The following GRAMD1B variants were observed in gnomAD, a reference collection of about 807,000 sequenced individuals.
The protein encoded by GRAMD1B is GRAM domain containing 1B, also known as protein Aster-B.
A neutral mutation model predicts 99.7 loss-of-function variants in GRAMD1B; 37 were observed. That is an observed-to-expected ratio of 0.37 (90% confidence interval 0.29 to 0.49). The LOEUF (loss-of-function observed/expected upper bound fraction) is 0.49. Among genes scored for constraint, GRAMD1B ranks in the 20% least tolerant of loss-of-function variants. The probability of loss-of-function intolerance (pLI) is 0.98; values close to 1 mark genes in which losing one functional copy is unlikely to be tolerated. For synonymous variants in GRAMD1B, 427 were observed against 387.6 expected (o/e 1.10, Z -1.19); for missense variants, 888 against 1,009.2 (o/e 0.88, Z 1.63).
intron 2 of GRAMD1B, among the ~76,000 whole-genome samples, chr11:123,530,916 T>A (rs1943299016): frequency 6.6e-6 from 1 of 152,142 alleles, no homozygotes. Flanking sequence ...TCTGTTTGCC[T>A]TGGGTGGTGG....
chr11:123,476,982 T>C (rs566815873), intron 1 of GRAMD1B, among the ~76,000 whole-genome samples: 13 of 152,194 alleles, frequency 8.5e-5, no homozygotes, highest in Non-Finnish European at 1.8e-4. Context: ...TGAATCTTAC[T>C]TTCCTGATTC....
At chr11:123,596,699 TTTGTTG>T (rs936702372) in intron 7 of GRAMD1B, among the ~76,000 whole-genome samples, 1 of 152,188 alleles carries the variant, frequency 6.6e-6, no homozygotes, top group Non-Finnish European at 1.5e-5. Context: ...TTGACCTATA[TTTGTTG>T]TTGTTGTTGT....
chr11:123,468,514 C>T (rs1413408554), intron 1 of GRAMD1B, among the ~76,000 whole-genome samples: 1 of 152,070 alleles, frequency 6.6e-6, no homozygotes, highest in Non-Finnish European at 1.5e-5. Flanking sequence ...TTAGTGCAGG[C>T]CAGGTGCGGT....
chr11:123,479,119 T>C (rs1184324381), intron 1 of GRAMD1B, among the ~76,000 whole-genome samples: 2 of 152,160 alleles, frequency 1.3e-5, no homozygotes, highest in Non-Finnish European at 2.9e-5. Flanking sequence ...ACGTGCTGCA[T>C]GGAAGGGAAG....
At chr11:123,575,550 A>G (rs568419741) in intron 2 of GRAMD1B, among the ~76,000 whole-genome samples, 50 of 152,272 alleles carry the variant, frequency 3.3e-4, no homozygotes, top group Admixed American at 6.5e-4. Context: ...TTGTTCTAGT[A>G]ACATAATCCT....
chr11:123,538,099 C>T (rs1208715336), intron 2 of GRAMD1B, among the ~76,000 whole-genome samples: 1 of 152,090 alleles, frequency 6.6e-6, no homozygotes, highest in African/African-American at 2.4e-5. Flanking sequence ...TCTTTCTATT[C>T]TTCTTGGGAC....
At chr11:123,460,587 C>T (rs1003721598) in intron 1 of GRAMD1B, among the ~76,000 whole-genome samples, 4 of 152,178 alleles carry the variant, frequency 2.6e-5, no homozygotes, top group Non-Finnish European at 4.4e-5. Context: ...TTGGTTAGGA[C>T]TGTTTTTATG....
intron 15 of GRAMD1B, 180 bp downstream of exon 15, chr11:123,613,044 A>C: frequency 3.4e-6 from 2 of 593,170 alleles, no homozygotes; most frequent in East Asian, 2.8e-5. Flanking sequence ...TATGTGGACA[A>C]GTGCATTTTT....
In GRAMD1B at chr11:123,625,936, A is replaced by AAGAGAGAGAGAGAGAGAGAGAGAGAGAG. The variant is rs59323923; in HGVS notation, c.*3359_*3386dup. 1.9e-5 allele frequency: 2 copies of AAGAGAGAGAGAGAGAGAGAGAGAGAGAG among 104,270 alleles called. No individual in the cohort carries two copies. The highest frequency in any genetic ancestry group is 9.5e-5 in the Admixed American group (1 of 10,566). The allele number at this position is 104,270 out of a possible 1,614,324, so 6.5% of individuals were successfully genotyped here. A position where few individuals can be genotyped will look rare whatever the true frequency, so the allele number is the denominator to read the frequency against. On this transcript the variant is annotated 3_prime_UTR_variant, in exon 20 of 20. Transcript: ENST00000635736. ...TAGGAGGGCTGGGGAGGCCCAGTGG[A>AAGAGAGAGAGAGAGAGAGAGAGAGAGAG]AGAGAGAGAGAGAGAGAGAGAGAGA...
At chr11:123,538,142 A>G (rs1944146580) in intron 2 of GRAMD1B, among the ~76,000 whole-genome samples, 1 of 152,054 alleles carries the variant, frequency 6.6e-6, no homozygotes, top group African/African-American at 2.4e-5. Context: ...TGCATGAAAA[A>G]CATATTTATA....
At chr11:123,457,078 C>A (rs960818698) in intron 1 of GRAMD1B, among the ~76,000 whole-genome samples, 16 of 81,100 alleles carry the variant, frequency 2.0e-4, no homozygotes, top group African/African-American at 7.3e-4. Flanking sequence ...CACCACTGCA[C>A]TCTAACCTGG....
At chr11:123,507,190 G>A (rs1941345614) in intron 2 of GRAMD1B, among the ~76,000 whole-genome samples, 1 of 152,180 alleles carries the variant, frequency 6.6e-6, no homozygotes, top group African/African-American at 2.4e-5. Flanking sequence ...GAATAAAGAG[G>A]ATGGCAGGCC....
intron 1 of GRAMD1B, among the ~76,000 whole-genome samples, chr11:123,413,522 T>TTAA (rs1334656646): frequency 4.0e-5 from 6 of 151,472 alleles, no homozygotes; most frequent in Non-Finnish European, 7.4e-5. Flanking sequence ...ATTTTTTTTT[T>TTAA]AATGGAGGCA....
intron 2 of GRAMD1B, among the ~76,000 whole-genome samples, chr11:123,574,833 G>A (rs923410157): frequency 3.9e-5 from 6 of 152,158 alleles, no homozygotes; most frequent in African/African-American, 7.2e-5. Context: ...AGCTGGAGAC[G>A]GCCAGGGAGG....
intron 2 of GRAMD1B, among the ~76,000 whole-genome samples, chr11:123,553,947 C>T (rs1945884788): frequency 6.6e-6 from 1 of 152,090 alleles, no homozygotes; most frequent in African/African-American, 2.4e-5. Flanking sequence ...AGATGTTGAC[C>T]TCTTTGGCTA....
chr11:123,597,213 T>G (rs1951384704), intron 7 of GRAMD1B, among the ~76,000 whole-genome samples: 2 of 137,946 alleles, frequency 1.4e-5, no homozygotes, highest in African/African-American at 5.4e-5. Flanking sequence ...TCCTCTAGCC[T>G]CAGCCTCCTT....
At chr11:123,596,706 T>C (rs1951318744) in intron 7 of GRAMD1B, among the ~76,000 whole-genome samples, 1 of 152,230 alleles carries the variant, frequency 6.6e-6, no homozygotes, top group African/African-American at 2.4e-5. Context: ...ATATTTGTTG[T>C]TGTTGTTGTT....
chr11:123,404,632 T>C (rs1210951288), intron 1 of GRAMD1B, among the ~76,000 whole-genome samples: 3 of 152,222 alleles, frequency 2.0e-5, no homozygotes, highest in Admixed American at 2.0e-4. Context: ...CCCAACTTCA[T>C]TCTAATCTTC....
At chr11:123,503,716 T>C (rs1940133111) in intron 2 of GRAMD1B, among the ~76,000 whole-genome samples, 1 of 152,104 alleles carries the variant, frequency 6.6e-6, no homozygotes, top group African/African-American at 2.4e-5. Context: ...CTGGCTAATT[T>C]TGTATTTTTT....
Sources: gnomAD v4.1 joint callset for allele counts (sites outside exome capture counted in the v4.1 genomes callset) on GRCh38, gnomAD v4.1.1 for gene constraint, MANE v1.5 for transcripts, NCBI Gene and HGNC (gene_info 2026-07-23, HGNC 2026-07-21) for gene names.